Variants in USP6NL observed in about 807,000 individuals in gnomAD.
USP6NL encodes USP6 N-terminal like.
In USP6NL, 26 loss-of-function variants were observed where a neutral mutation model predicts 61.9. That is an observed-to-expected ratio of 0.42 (90% confidence interval 0.31 to 0.58). The LOEUF (loss-of-function observed/expected upper bound fraction) is 0.58, where lower values mean the gene tolerates loss of function less well. USP6NL is among the 20% of genes least tolerant of loss of function. The probability of loss-of-function intolerance (pLI) is 0.16; values close to 1 mark genes in which losing one functional copy is unlikely to be tolerated. For synonymous variants in USP6NL, 432 were observed against 390.1 expected (o/e 1.11, Z -1.27); for missense variants, 1,114 against 1,034.3 (o/e 1.08, Z -1.06).
At chr10:11,552,161 A>G (rs1836514424) in intron 2 of USP6NL, among the ~76,000 whole-genome samples, 4 of 152,240 alleles carry the variant, frequency 2.6e-5, no homozygotes, top group African/African-American at 9.6e-5. Flanking sequence ...GAGGCGTGGC[A>G]TACACACACC....
chr10:11,547,408 A>G (rs2133475612), intron 2 of USP6NL, among the ~76,000 whole-genome samples: 1 of 152,352 alleles, frequency 6.6e-6, no homozygotes, highest in Non-Finnish European at 1.5e-5. Context: ...CGGGATGTGA[A>G]CACAGTTGGG....
At position 11,463,645 on chromosome 10, in the gene USP6NL, GCT is replaced by G. The variant is rs752658304; in HGVS notation, c.1281_1282del (p.Arg427SerfsTer17). ...CACCGATTTCCGTCTTGGCGGCTGT[GCT>G]CTCTCGGGCGTCCCGGTCCTGCTCT... is the stretch of plus-strand genomic sequence containing the variant. On this transcript the variant is annotated frameshift_variant, in exon 15 of 15. Coordinates refer to ENST00000609104, the MANE Select transcript of USP6NL (RefSeq NM_014688.5). LOFTEE classifies it low-confidence loss of function (END_TRUNC). The surrounding 1 kb of genome is among the most constrained non-coding windows in gnomAD (Gnocchi z 6.3). 3 of 1,613,850 alleles carry G rather than the reference GCT, an allele frequency of 1.9e-6. No homozygotes were observed. The African/African-American group carries it at 4.0e-5, about 22-fold the overall frequency.
chr10:11,479,225 A>C (rs1292260204), intron 14 of USP6NL, among the ~76,000 whole-genome samples: 2 of 152,210 alleles, frequency 1.3e-5, no homozygotes, highest in African/African-American at 4.8e-5. Flanking sequence ...AGCCATAGGG[A>C]AAGCTGTATG....
intron 5 of USP6NL, among the ~76,000 whole-genome samples, chr10:11,512,540 G>A (rs1169195631): frequency 1.3e-5 from 2 of 152,176 alleles, no homozygotes; most frequent in African/African-American, 4.8e-5. Flanking sequence ...TAGAAGTAAA[G>A]TTCAAATTTC....
In USP6NL at chr10:11,511,192, T is replaced by C. The variant is rs1423490879; in HGVS notation, c.196-1517A>G. ...ACCTAACTCTTTTTAAAATTTTTGATGGGTTTCTCACAATAAAAGATGAGC... is the reference window on the plus strand; with the variant it reads ...ACCTAACTCTTTTTAAAATTTTTGACGGGTTTCTCACAATAAAAGATGAGC... On this transcript the variant is annotated intron_variant, in intron 5 of 14. Coordinates refer to ENST00000609104, the MANE Select transcript of USP6NL (RefSeq NM_014688.5). The surrounding 1 kb of genome is among the most constrained non-coding windows in gnomAD (Gnocchi z 4.9). Among the ~76,000 whole-genome samples the C allele has an allele frequency of 1.3e-5, 2 of 152,270 alleles. No individual in the cohort carries two copies. Among genetic ancestry groups the C allele is most frequent in the Non-Finnish European group, 2.9e-5 (2 of 68,052 alleles).
At position 11,592,768 on chromosome 10, in the gene USP6NL, G is replaced by A. The variant is rs188374245; in HGVS notation, c.4+4863C>T. 2.6e-5 allele frequency among the ~76,000 whole-genome samples: 4 copies of A among 152,094 alleles called. No individual in the cohort carries two copies. The highest frequency in any genetic ancestry group is 9.7e-5 in the African/African-American group (4 of 41,416). ...CTTATGGGAAGTCTTCTGTTACTTG[G>A]AGCACAACTTTTTTACTTAGTAAGA... On this transcript the variant is annotated intron_variant, in intron 2 of 14. Coordinates refer to ENST00000609104, the MANE Select transcript of USP6NL (RefSeq NM_014688.5). The surrounding 1 kb of genome is among the most constrained non-coding windows in gnomAD (Gnocchi z 4.7).
At position 11,553,562 on chromosome 10, in the gene USP6NL, CCATT is replaced by C. The variant is rs1836571855; in HGVS notation, c.5-25999_5-25996del. Among the ~76,000 whole-genome samples the C allele has an allele frequency of 6.6e-6, 1 of 152,172 alleles. No homozygotes were observed. Among genetic ancestry groups the C allele is most frequent in the African/African-American group, 2.4e-5 (1 of 41,434 alleles). On this transcript the variant is annotated intron_variant, in intron 2 of 14. Transcript: ENST00000609104. This position sits in a 1 kb window ranked among gnomAD's most constrained non-coding sequence, Gnocchi z 4.8. ...TACATCCATTCATTGAACCCTCACTCCATTCATCAATATTAGATTTGTCTCAGTA... is the reference window on the plus strand; with the variant it reads ...TACATCCATTCATTGAACCCTCACTCCATCAATATTAGATTTGTCTCAGTA...
At chr10:11,512,950 A>G (rs1445756849) in intron 5 of USP6NL, among the ~76,000 whole-genome samples, 1 of 152,194 alleles carries the variant, frequency 6.6e-6, no homozygotes, top group Non-Finnish European at 1.5e-5. Flanking sequence ...TAATTGTCTC[A>G]TCTATAAAAC....
chr10:11,550,292 T>C (rs1836434429), intron 2 of USP6NL, among the ~76,000 whole-genome samples: 1 of 152,138 alleles, frequency 6.6e-6, no homozygotes, highest in Admixed American at 6.5e-5. Flanking sequence ...AATTAAAACC[T>C]CTTGCTCTTC....
intron 13 of USP6NL, among the ~76,000 whole-genome samples, chr10:11,483,219 T>G (rs976278354): frequency 2.0e-5 from 3 of 151,988 alleles, no homozygotes; most frequent in African/African-American, 7.3e-5. Flanking sequence ...AGCAGCAGAT[T>G]TGTCCACAGC....
In USP6NL at chr10:11,487,799, A is replaced by G. The variant is rs138565481; in HGVS notation, c.664+1303T>C. Among the ~76,000 whole-genome samples the G allele has an allele frequency of 1.4e-3, 209 of 152,300 alleles. 1 individual carries two copies. Among genetic ancestry groups the G allele is most frequent in the Middle Eastern group, 6.8e-3 (2 of 294 alleles). ...GAGAAAGACAAATGCAAACACATAC[A>G]TACCCCCCTCACTCTTCCACACACA... On this transcript the variant is annotated intron_variant, in intron 10 of 14. Transcript: ENST00000609104. This position sits in a 1 kb window ranked among gnomAD's most constrained non-coding sequence, Gnocchi z 4.2.
At chr10:11,506,916 T>C (rs894050223) in intron 6 of USP6NL, among the ~76,000 whole-genome samples, 1 of 152,234 alleles carries the variant, frequency 6.6e-6, no homozygotes, top group African/African-American at 2.4e-5. Context: ...GTTTTTTTAC[T>C]TGAATGCAAT....
At chr10:11,557,134 T>A (rs1836735725) in intron 2 of USP6NL, among the ~76,000 whole-genome samples, 1 of 152,366 alleles carries the variant, frequency 6.6e-6, no homozygotes, top group Admixed American at 6.5e-5. Flanking sequence ...TTAACTTTGC[T>A]GGATATTCTG....
rs200054030 is a variant in USP6NL, at chr10:11,476,948, T to C, written c.1078+4822A>G. Among the ~76,000 whole-genome samples, 3 of 152,326 alleles carry C rather than the reference T, an allele frequency of 2.0e-5. No individual in the cohort carries two copies. The highest frequency in any genetic ancestry group is 3.9e-4 in the East Asian group (2 of 5,188). On this transcript the variant is annotated intron_variant, in intron 14 of 14. Transcript: ENST00000609104. This position sits in a 1 kb window ranked among gnomAD's most constrained non-coding sequence, Gnocchi z 4.3. Reference sequence around the variant, plus strand: ...GTGCAGTGGTGCGATCTTGACTCACTGCAACCTCCGCCTCCCAGGTTCAAG... The same window carrying C: ...GTGCAGTGGTGCGATCTTGACTCACCGCAACCTCCGCCTCCCAGGTTCAAG...
rs766522335 is a variant in USP6NL at position 11,463,501 on chromosome 10, G to C, written c.1427C>G (p.Thr476Ser). Reference protein sequence around the residue: ...HAAANQNSNATSNIRKEFVPK... With the variant: ...HAAANQNSNASSNIRKEFVPK... The stretch of plus-strand genomic sequence containing the variant: ...CACAAACTCCTTCCTGATATTTGAA[G>C]TGGCGTTGCTATTTTGGTTGGCAGC... The change falls in exon 15 of 15, where the codon ACT becomes AGT. Residue 476 changes from threonine (T) to serine (S), a missense_variant. Thr to Ser is a moderately conservative substitution (Grantham distance 58). Coordinates refer to ENST00000609104, the MANE Select transcript of USP6NL (RefSeq NM_014688.5). The surrounding 1 kb of genome is among the most constrained non-coding windows in gnomAD (Gnocchi z 6.3). 3 of 1,614,068 alleles carry C rather than the reference G, an allele frequency of 1.9e-6. No homozygotes were observed. The highest frequency in any genetic ancestry group is 1.1e-5 in the South Asian group (1 of 91,086).
intron 7 of USP6NL, among the ~76,000 whole-genome samples, chr10:11,497,973 C>G (rs1186222075): frequency 1.3e-5 from 2 of 152,026 alleles, no homozygotes; most frequent in African/African-American, 4.8e-5. Flanking sequence ...CACAGTGGCT[C>G]ACGCCTGTAA....
intron 6 of USP6NL, 61 bp downstream of exon 6, chr10:11,509,534 A>G: frequency 1.4e-6 from 2 of 1,382,060 alleles, no homozygotes; most frequent in Non-Finnish European, 2.0e-6. Flanking sequence ...AAGAACTTCT[A>G]CTATGAAAAT....
In USP6NL at chr10:11,499,560, G is replaced by A. The variant is rs1447037926; in HGVS notation, c.384+1541C>T. On this transcript the variant is annotated intron_variant, in intron 7 of 14. Transcript: ENST00000609104. The surrounding 1 kb of genome is among the most constrained non-coding windows in gnomAD (Gnocchi z 4.5). Reference sequence around the variant, plus strand: ...GTTAGGATGAGGTCATCCTGGATGAGGGTGGACCCTACATGCAATAACTAT... The same window carrying A: ...GTTAGGATGAGGTCATCCTGGATGAAGGTGGACCCTACATGCAATAACTAT... Among the ~76,000 whole-genome samples the A allele has an allele frequency of 6.6e-6, 1 of 152,196 alleles. No individual in the cohort carries two copies. Among genetic ancestry groups the A allele is most frequent in the African/African-American group, 2.4e-5 (1 of 41,450 alleles).
At chr10:11,541,953 C>T (rs1019553345) in intron 2 of USP6NL, among the ~76,000 whole-genome samples, 2 of 152,132 alleles carry the variant, frequency 1.3e-5, no homozygotes, top group Admixed American at 6.6e-5. Flanking sequence ...GAAAGGAAAA[C>T]TTGCTCCTCG....
Sources: allele counts gnomAD v4.1 joint callset (sites outside exome capture counted in the v4.1 genomes callset), GRCh38; gene constraint gnomAD v4.1.1; non-coding constraint Gnocchi (gnomAD v3.1); transcripts MANE v1.5; gene names NCBI Gene and HGNC (gene_info 2026-07-23, HGNC 2026-07-21).